Variants in GAST observed in about 807,000 individuals in gnomAD.
GAST encodes the protein preprogastrin.
Under a neutral mutation model 12.5 loss-of-function variants are expected in GAST, and 9 were observed. The ratio of observed to expected loss-of-function variants is 0.72; its 90% confidence interval spans 0.43 to 1.25. The LOEUF (loss-of-function observed/expected upper bound fraction) is 1.25, where lower values mean the gene tolerates loss of function less well. Ranked by LOEUF, GAST falls within the 50% of genes most tolerant of loss-of-function variation. The probability of loss-of-function intolerance (pLI) is 0.00; values close to 1 mark genes in which losing one functional copy is unlikely to be tolerated. For missense variants in GAST, 121 were observed against 127.7 expected (o/e 0.95, Z 0.25); for synonymous variants, 52 against 51.1 (o/e 1.02, Z -0.08).
At position 41,715,310 on chromosome 17, in the gene GAST, A is replaced by G. The variant is rs535991178; in HGVS notation, c.-5-122A>G. ...AGTGAAACTCTGTCTAAAAAAAAAA[A>G]AAAGAAAGAATTGCACACTCATCAG... On this transcript the variant is annotated intron_variant, in intron 1 of 2. Transcript: ENST00000329402. 8.5e-5 allele frequency: 62 copies of G among 729,928 alleles called. No individual in the cohort carries two copies. The Middle Eastern group carries it at 1.6e-3, about 19-fold the overall frequency. 45.2% of individuals were successfully genotyped at this position (729,928 alleles called of 1,614,324 possible).
rs782698420 is a variant in GAST at position 41,715,955 on chromosome 17, C to G, written c.*83C>G. On this transcript the variant is annotated 3_prime_UTR_variant, in exon 3 of 3. Coordinates refer to ENST00000329402, the MANE Select transcript of GAST (RefSeq NM_000805.5). ...CCCTGAAAAACTGATCAAAAATAAA[C>G]TAGTTTCCAGTGGATCAATGGACTG... 30 of 1,111,298 alleles carry G rather than the reference C, an allele frequency of 2.7e-5. No homozygotes were observed. Among genetic ancestry groups the G allele is most frequent in the Middle Eastern group, 2.5e-4 (1 of 3,938 alleles). The allele number at this position is 1,111,298 out of a possible 1,614,324, so 68.8% of individuals were successfully genotyped here. A position where few individuals can be genotyped will look rare whatever the true frequency, so the allele number is the denominator to read the frequency against.
In GAST at chr17:41,715,561, T is replaced by C; in HGVS notation, c.125T>C (p.Leu42Pro). ...TTAGGTACAGGGGCCAACAGGGACC[T>C]GGAGCTACCCTGGCTGGAGCAGCAG... ...APLGTGANRDLELPWLEQQGP... is the reference protein window; with the variant it reads ...APLGTGANRDPELPWLEQQGP... The change falls in exon 2 of 3, where the codon CTG becomes CCG. Residue 42 changes from leucine to proline, a missense_variant. Coordinates refer to ENST00000329402, the MANE Select transcript of GAST (RefSeq NM_000805.5). The C allele has an allele frequency of 1.2e-6, 2 of 1,613,546 alleles. No homozygotes were observed. The highest frequency in any genetic ancestry group is 1.7e-6 in the Non-Finnish European group (2 of 1,180,026).
chr17:41,714,059 CAG>C (rs1425881872), intron 1 of GAST, among the ~76,000 whole-genome samples: 2 of 152,216 alleles, frequency 1.3e-5, no homozygotes, highest in African/African-American at 2.4e-5. Flanking sequence ...GCACAAAAAT[CAG>C]TGTGAGCTGG....
chr17:41,715,443 C>T lies in GAST; in HGVS notation c.7C>T (p.Arg3Ter), dbSNP rs782557458. The T allele has an allele frequency of 2.5e-6, 4 of 1,609,330 alleles. No individual in the cohort carries two copies. The highest frequency in any genetic ancestry group is 4.5e-5 in the East Asian group (2 of 44,708). Residue 3 changes from arginine (R) to a stop codon, truncating the protein, a stop_gained, in exon 2 of 3, where the codon CGA becomes TGA. Transcript: ENST00000329402. LOFTEE classifies it high-confidence loss of function. MQ[R>*]LCVYVLIFAL... is the part of the protein sequence containing the mutation. The stretch of plus-strand genomic sequence containing the variant: ...TCTCCCCTTTGCAGACGAGATGCAG[C>T]GACTGTGTGTGTATGTGCTGATCTT...
Position 41,715,781 on chromosome 17 carries a change from C to T in GAST, c.215C>T (p.Pro72Leu), listed in dbSNP as rs144173344. The change falls in exon 3 of 3, where the codon CCG becomes CTG. Residue 72 changes from proline (P) to leucine (L), a missense_variant. Transcript: ENST00000329402. ...PQGPPHLVADPSKKQGPWLEE... is the reference protein window; with the variant it reads ...PQGPPHLVADLSKKQGPWLEE... ...CTCGCCTCTCTCACCTCCTCAGACC[C>T]GTCCAAGAAGCAGGGACCATGGCTG... The T allele has an allele frequency of 6.7e-5, 107 of 1,607,472 alleles. No homozygotes were observed. The highest frequency in any genetic ancestry group is 1.7e-4 in the Middle Eastern group (1 of 6,036).
chr17:41,715,021 C>T (rs1910937720), intron 1 of GAST, among the ~76,000 whole-genome samples: 1 of 152,078 alleles, frequency 6.6e-6, no homozygotes, highest in African/African-American at 2.4e-5. Flanking sequence ...CAGACTCACC[C>T]GGGTGCGGTG....
Position 41,712,404 on chromosome 17 carries a change from G to GGA in GAST, c.-6+21_-6+22dup, listed in dbSNP as rs1173467312. On this transcript the variant is annotated intron_variant, in intron 1 of 2. Coordinates refer to ENST00000329402, the MANE Select transcript of GAST (RefSeq NM_000805.5). ...GCTCTGCAGGTGAGAAAACCCAGGAGGAGAGGGGAGAGGCTAGGAAGTGGG... is the reference window on the plus strand; with the variant it reads ...GCTCTGCAGGTGAGAAAACCCAGGAGGAGAGAGGGGAGAGGCTAGGAAGTGGG... 2 of 152,532 alleles carry GGA rather than the reference G, an allele frequency of 1.3e-5. No individual in the cohort carries two copies. Among genetic ancestry groups the GGA allele is most frequent in the African/African-American group, 4.8e-5 (2 of 41,558 alleles). The allele number at this position is 152,532 out of a possible 1,614,324, so 9.4% of individuals were successfully genotyped here.
chr17:41,715,312 AAG>A, intron 1 of GAST, 118 bp from the exon 2 acceptor site: 1 of 721,374 alleles, frequency 1.4e-6, no homozygotes, highest in East Asian at 2.6e-5. Flanking sequence ...AAAAAAAAAA[AAG>A]AAAGAATTGC....
At chr17:41,712,738 A>G (rs1177264407) in intron 1 of GAST, among the ~76,000 whole-genome samples, 2 of 152,180 alleles carry the variant, frequency 1.3e-5, no homozygotes, top group East Asian at 3.9e-4. Flanking sequence ...CCAAAGTCAC[A>G]GGGATTATTA....
intron 1 of GAST, among the ~76,000 whole-genome samples, chr17:41,712,943 T>C (rs1910886901): frequency 6.6e-6 from 1 of 152,162 alleles, no homozygotes; most frequent in South Asian, 2.1e-4. Flanking sequence ...TGTTGTTTGT[T>C]TTTTTATATA....
intron 1 of GAST, among the ~76,000 whole-genome samples, chr17:41,713,010 G>C (rs994844546): frequency 1.3e-5 from 2 of 152,066 alleles, no homozygotes; most frequent in Non-Finnish European, 2.9e-5. Context: ...CTGCCTCCCA[G>C]GTTCAAGCAA....
intron 2 of GAST, 22 bp downstream of exon 2, chr17:41,715,669 G>A: frequency 1.9e-6 from 3 of 1,610,148 alleles, no homozygotes; most frequent in Non-Finnish European, 2.5e-6. Context: ...TGACTGCCCT[G>A]CTTGCCTCAC....
rs1567773842 is a variant in GAST, at chr17:41,715,525, C to G, written c.89C>G (p.Pro30Arg). The G allele has an allele frequency of 2.5e-6, 4 of 1,613,678 alleles. No homozygotes were observed. The highest frequency in any genetic ancestry group is 1.7e-4 in the Middle Eastern group (1 of 6,046). The change falls in exon 2 of 3, where the codon CCA (proline) becomes CGA (arginine). Residue 30 changes from proline (P) to arginine (R), a missense_variant. Physicochemically the swap from Pro to Arg is moderately radical, Grantham distance 103 (BLOSUM62 -2). Transcript: ENST00000329402. ...EASWKPRSQQ[P>R]DAPLGTGANR... is the part of the protein sequence containing the mutation. ...TCTTGGAAGCCCCGCTCCCAGCAGC[C>G]AGATGCACCCTTAGGTACAGGGGCC...
At chr17:41,714,644 G>A (rs1910928785) in intron 1 of GAST, among the ~76,000 whole-genome samples, 1 of 152,042 alleles carries the variant, frequency 6.6e-6, no homozygotes, top group Non-Finnish European at 1.5e-5. Context: ...ACGTGGTGGT[G>A]CAAGCCTGTA....
intron 1 of GAST, among the ~76,000 whole-genome samples, chr17:41,715,069 C>T (rs143810734): frequency 0.029 from 4,431 of 152,078 alleles, 198 homozygotes; most frequent in African/African-American, 0.1. Context: ...GAGGCCGAGG[C>T]GGGTGGATCA....
In GAST at chr17:41,715,614, C is replaced by T. The variant is rs1910960125; in HGVS notation, c.178C>T (p.Leu60=). The T allele has an allele frequency of 1.2e-6, 2 of 1,613,728 alleles. No individual in the cohort carries two copies. The highest frequency in any genetic ancestry group is 8.5e-7 in the Non-Finnish European group (1 of 1,179,962). ...CCCAGCCTCTCATCATCGAAGGCAG[C>T]TGGGACCCCAGGGTCCCCCACACCT... ...QGPASHHRRQ[L]GPQGPPHLVA... The change falls in exon 2 of 3, where the codon CTG becomes TTG. Residue 60 remains leucine, a synonymous_variant. Coordinates refer to ENST00000329402, the MANE Select transcript of GAST (RefSeq NM_000805.5).
In GAST at chr17:41,715,805, T is replaced by C. The variant is rs1267093162; in HGVS notation, c.239T>C (p.Leu80Pro). 1.2e-6 allele frequency: 2 copies of C among 1,611,470 alleles called. No homozygotes were observed. Among genetic ancestry groups the C allele is most frequent in the East Asian group, 4.5e-5 (2 of 44,882 alleles). The change falls in exon 3 of 3, where the codon CTG becomes CCG. Residue 80 changes from leucine to proline, a missense_variant. Leu to Pro is a moderately conservative substitution (Grantham distance 98). Transcript: ENST00000329402. ...ADPSKKQGPW[L>P]EEEEEAYGWM... The stretch of plus-strand genomic sequence containing the variant: ...CCGTCCAAGAAGCAGGGACCATGGC[T>C]GGAGGAAGAAGAAGAAGCCTATGGA...
chr17:41,712,360 T>C lies in GAST; in HGVS notation c.-33T>C, dbSNP rs7209476. The C allele has an allele frequency of 0.05, 7,579 of 152,476 alleles. 590 individuals are homozygous for C. The highest frequency in any genetic ancestry group is 0.17 in the African/African-American group (7,130 of 41,490). The allele number at this position is 152,476 out of a possible 1,614,324, so 9.4% of individuals were successfully genotyped here. On this transcript the variant is annotated 5_prime_UTR_variant, in exon 1 of 3. Transcript: ENST00000329402. ...ACCTGAGAGGCACCAGGCCCAGCCG[T>C]GGCACCACACACCTCCCAGCTCTGC...
chr17:41,715,400 A>G, intron 1 of GAST, 32 bp from the exon 2 acceptor site: 1 of 1,562,844 alleles, frequency 6.4e-7, no homozygotes, highest in Middle Eastern at 1.8e-4. Flanking sequence ...GGACAGCCTC[A>G]CCCTTAAGCT....
Sources: allele counts gnomAD v4.1 joint callset (sites outside exome capture counted in the v4.1 genomes callset), GRCh38; gene constraint gnomAD v4.1.1; transcripts MANE v1.5; gene names NCBI Gene and HGNC (gene_info 2026-07-23, HGNC 2026-07-21).